SAMD11: variants seen among roughly 807,000 people sequenced by gnomAD.
SAMD11 encodes sterile alpha motif domain-containing protein 11.
In SAMD11, 77 loss-of-function variants were observed where a neutral mutation model predicts 64.4. The ratio of observed to expected loss-of-function variants is 1.20; its 90% CI spans 0.99 to 1.44. SAMD11 has a LOEUF of 1.44. SAMD11 is among the 40% of genes most tolerant of loss of function. The pLI is 0.00. For missense variants in SAMD11, 1,402 were observed against 943.3 expected (o/e 1.49, Z -6.37); for synonymous variants, 658 against 421.9 (o/e 1.56, Z -6.86).
At chr1:943,216 G>C (rs1245978432) in intron 11 of SAMD11, 37 bp from the exon 12 acceptor site, 1 of 1,611,426 alleles carries the variant, frequency 6.2e-7, no homozygotes, top group Non-Finnish European at 8.5e-7. Flanking sequence ...GTATGGGAAA[G>C]CCAGCCAGAG....
Position 942,897 on chromosome 1 carries a change from ACT to A in SAMD11, c.1894_1895del (p.Ser632GlyfsTer69). 3 of 1,554,486 alleles carry A rather than the reference ACT, an allele frequency of 1.9e-6. No homozygotes were observed. The highest frequency in any genetic ancestry group is 2.6e-6 in the Non-Finnish European group (3 of 1,149,512). ...GGCTCGGAAGACGAGCCCCCCAAAGACTCGGACGGAGAGGACCCCGAGACGGC... is the reference window on the plus strand; with the variant it reads ...GGCTCGGAAGACGAGCCCCCCAAAGACGGACGGAGAGGACCCCGAGACGGC... On this transcript the variant is annotated frameshift_variant, in exon 11 of 14. Coordinates refer to ENST00000616016, the MANE Select transcript of SAMD11 (RefSeq NM_001385641.1). LOFTEE classifies it high-confidence loss of function.
chr1:941,370 G>A, intron 8 of SAMD11, 64 bp downstream of exon 8: 1 of 1,420,128 alleles, frequency 7.0e-7, no homozygotes, highest in Admixed American at 2.6e-5. Flanking sequence ...CGCGCTCTCA[G>A]CCACCAGCAC....
rs201082968 is a variant in SAMD11, at chr1:942,118, T to C, written c.1359-18T>C. ...ACGGGGGCGGGGGGGACGCCGCTCATTGCGCTGCCGTCCACAGGGAGCTGC... is the reference window on the plus strand; with the variant it reads ...ACGGGGGCGGGGGGGACGCCGCTCACTGCGCTGCCGTCCACAGGGAGCTGC... On this transcript the variant is annotated intron_variant, in intron 8 of 13. Coordinates refer to ENST00000616016, the MANE Select transcript of SAMD11 (RefSeq NM_001385641.1). 9 of 944,768 alleles carry C rather than the reference T, an allele frequency of 9.5e-6. No individual in the cohort carries two copies. The highest frequency in any genetic ancestry group is 3.2e-5 in the East Asian group (1 of 31,474). The allele number at this position is 944,768 out of a possible 1,614,324, so 58.5% of individuals were successfully genotyped here. A position where few individuals can be genotyped will look rare whatever the true frequency, so the allele number is the denominator to read the frequency against.
Position 942,195 on chromosome 1 carries a change from GCCC to G in SAMD11, c.1421_1423del (p.Pro474del), listed in dbSNP as rs1641816267. ...CAGAATGCCCCTCACGTCGCCCTGG[GCCC>G]CCATCTCAGGCCCCCCTTCCTGGGG... is the stretch of plus-strand genomic sequence containing the variant. On this transcript the variant is annotated inframe_deletion, in exon 9 of 14. Transcript: ENST00000616016. 2 of 1,391,486 alleles carry G rather than the reference GCCC, an allele frequency of 1.4e-6. No homozygotes were observed. The highest frequency in any genetic ancestry group is 2.8e-4 in the Middle Eastern group (1 of 3,630). The allele number at this position is 1,391,486 out of a possible 1,614,324, so 86.2% of individuals were successfully genotyped here.
chr1:925,939 C>G lies in SAMD11; in HGVS notation c.535C>G (p.Leu179Val). Residue 179 changes from leucine to valine, a missense_variant, in exon 2 of 14, where the codon CTT becomes GTT. Coordinates refer to ENST00000616016, the MANE Select transcript of SAMD11 (RefSeq NM_001385641.1). ...GCTCGCAGGGAAAAGTCTGAAGACGCTTATGTCCAAGGGGATCCTGCAGGT... is the reference window on the plus strand; with the variant it reads ...GCTCGCAGGGAAAAGTCTGAAGACGGTTATGTCCAAGGGGATCCTGCAGGT... The part of the protein sequence containing the change: ...IRHKGKSLKT[L>V]MSKGILQVHP... The G allele has an allele frequency of 6.2e-7, 1 of 1,611,654 alleles. No individual in the cohort carries two copies. Among genetic ancestry groups the G allele is most frequent in the South Asian group, 1.1e-5 (1 of 91,084 alleles).
At chr1:932,548 C>A (rs1369498888) in intron 4 of SAMD11, among the ~76,000 whole-genome samples, 1 of 152,244 alleles carries the variant, frequency 6.6e-6, no homozygotes, top group African/African-American at 2.4e-5. Flanking sequence ...GTTGACCTGA[C>A]CCTGGTGTCC....
At chr1:928,490 C>T (rs1557600505) in intron 2 of SAMD11, among the ~76,000 whole-genome samples, 2 of 152,248 alleles carry the variant, frequency 1.3e-5, no homozygotes, top group African/African-American at 2.4e-5. Context: ...GCGGGACTTC[C>T]CAGCACAGCA....
chr1:942,712 A>G lies in SAMD11; in HGVS notation c.1707A>G (p.Pro569=), dbSNP rs530024725. The G allele has an allele frequency of 3.2e-5, 46 of 1,440,344 alleles. No individual in the cohort carries two copies. The South Asian group carries it at 5.0e-4, about 16-fold the overall frequency. The allele number at this position is 1,440,344 out of a possible 1,614,324, so 89.2% of individuals were successfully genotyped here. ...TGGTGCTGAACCACGGCGCGGCGCC[A>G]CTGCTGGCCCTGCCCCCCCAGGGGC... The part of the protein sequence containing the change: ...ALLVLNHGAA[P]LLALPPQGPP... The change falls in exon 11 of 14, where the codon CCA becomes CCG. Residue 569 remains proline, a synonymous_variant. Transcript: ENST00000616016.
At chr1:935,423 G>A (rs776971857) in intron 4 of SAMD11, among the ~76,000 whole-genome samples, 11 of 130,970 alleles carry the variant, frequency 8.4e-5, no homozygotes, top group African/African-American at 1.3e-4. Flanking sequence ...GCCTCTTCCC[G>A]GGCGCCCGGT....
chr1:925,599 G>T, intron 1 of SAMD11: 1 of 247,612 alleles, frequency 4.0e-6, no homozygotes, highest in South Asian at 5.4e-5. Flanking sequence ...CACCGCTCCG[G>T]GACTCAGCCT....
chr1:937,010 G>T lies in SAMD11; in HGVS notation c.967+1114G>T, dbSNP rs114331633. ...TGCACGTGATGGGGGTTGCCCGGCA[G>T]CTCTCACCCATGGAGTCAGGACGTG... On this transcript the variant is annotated intron_variant, in intron 5 of 13. Coordinates refer to ENST00000616016, the MANE Select transcript of SAMD11 (RefSeq NM_001385641.1). Among the ~76,000 whole-genome samples the T allele has an allele frequency of 4.7e-3, 715 of 152,250 alleles. 5 individuals are homozygous for T. Among genetic ancestry groups the T allele is most frequent in the African/African-American group, 0.016 (671 of 41,540 alleles).
At chr1:930,945 C>A in intron 3 of SAMD11, 94 bp from the exon 4 acceptor site, 1 of 1,278,314 alleles carries the variant, frequency 7.8e-7, no homozygotes, top group Admixed American at 1.7e-5. Context: ...CAGCGGGGCA[C>A]TGACCCGAGA....
chr1:942,678 G>T lies in SAMD11; in HGVS notation c.1673G>T (p.Gly558Val). The T allele has an allele frequency of 1.4e-6, 2 of 1,433,208 alleles. No homozygotes were observed. The highest frequency in any genetic ancestry group is 1.8e-6 in the Non-Finnish European group (2 of 1,102,594). 88.8% of individuals were successfully genotyped at this position (1,433,208 alleles called of 1,614,324 possible). A position where few individuals can be genotyped will look rare whatever the true frequency, so the allele number is the denominator to read the frequency against. ...NDGAEELQRR[G>V]ALLVLNHGAA... ...GGCGCCGAGGAGCTGCAGCGGCGCG[G>T]GGCCCTGCTGGTGCTGAACCACGGC... is the stretch of plus-strand genomic sequence containing the variant. Residue 558 changes from glycine to valine, a missense_variant, in exon 11 of 14, where the codon GGG becomes GTG. By Grantham distance (109) the Gly-to-Val change is moderately radical (BLOSUM62 -3). Transcript: ENST00000616016.
chr1:939,514 C>T (rs548040750), intron 7 of SAMD11, 102 bp downstream of exon 7: 19 of 1,549,610 alleles, frequency 1.2e-5, no homozygotes, highest in African/African-American at 1.1e-4. Context: ...GCCACATGTA[C>T]TCGGCCATTC....
chr1:936,956 G>A (rs765504695), intron 5 of SAMD11, among the ~76,000 whole-genome samples: 8 of 152,150 alleles, frequency 5.3e-5, no homozygotes, highest in Non-Finnish European at 1.0e-4. Flanking sequence ...TGCGTGTGCC[G>A]GCATGTCTGT....
chr1:934,917 G>C (rs190843857), intron 4 of SAMD11, among the ~76,000 whole-genome samples: 1 of 83,022 alleles, frequency 1.2e-5, no homozygotes, highest in African/African-American at 4.8e-5. Flanking sequence ...GGAGGCGGCT[G>C]CGTTACAGGT....
chr1:931,043 C>T lies in SAMD11; in HGVS notation c.796C>T (p.His266Tyr). ...PHIRIMKRRV[H>Y]THWDVNISFR... is the part of the protein sequence containing the mutation. ...CTTCTGCTTCCCTTCCTGCAGAGTC[C>T]ACACCCACTGGGACGTGAACATCTC... Residue 266 changes from histidine to tyrosine, a missense_variant, in exon 4 of 14, where the codon CAC becomes TAC. His to Tyr is a moderately conservative substitution (Grantham distance 83). Coordinates refer to ENST00000616016, the MANE Select transcript of SAMD11 (RefSeq NM_001385641.1). 1 of 1,612,962 alleles carries T rather than the reference C, an allele frequency of 6.2e-7. No individual in the cohort carries two copies. The highest frequency in any genetic ancestry group is 8.5e-7 in the Non-Finnish European group (1 of 1,179,674).
intron 2 of SAMD11, among the ~76,000 whole-genome samples, chr1:929,745 C>T (rs991290579): frequency 5.3e-5 from 8 of 152,132 alleles, no homozygotes; most frequent in African/African-American, 1.4e-4. Flanking sequence ...AAGCCCGGGA[C>T]GGAGGCCTGT....
Position 941,155 on chromosome 1 carries a change from G to A in SAMD11, c.1207G>A (p.Val403Ile), listed in dbSNP as rs1239591829. 10 of 1,599,752 alleles carry A rather than the reference G, an allele frequency of 6.3e-6. No homozygotes were observed. In the African/African-American group the frequency reaches 8.0e-5, roughly 13 times the overall value. Residue 403 changes from valine to isoleucine, a missense_variant, in exon 8 of 14, where the codon GTC becomes ATC. Transcript: ENST00000616016. ...LGLPSHDLLR[V>I]RQEVAAAALR... The stretch of plus-strand genomic sequence containing the variant: ...TGTCCCCCACCCAGATCTCCTGAGG[G>A]TCCGGCAGGAGGTGGCGGCTGCAGC...
Sources: gnomAD v4.1 joint callset for allele counts (sites outside exome capture counted in the v4.1 genomes callset) on GRCh38, gnomAD v4.1.1 for gene constraint, MANE v1.5 for transcripts, NCBI Gene and HGNC (gene_info 2026-07-23, HGNC 2026-07-21) for gene names.